Variants in ENOX1 observed in about 807,000 individuals in gnomAD.
ENOX1 encodes the protein candidate growth-related and time keeping constitutive hydroquinone (NADH) oxidase.
ENOX1 carries 42 observed loss-of-function variants against 82.5 expected under a neutral mutation model. That is an observed-to-expected ratio of 0.51 (90% CI 0.40 to 0.66). ENOX1 has a LOEUF of 0.66. Among genes scored for constraint, ENOX1 ranks in the 30% least tolerant of loss-of-function variants. The pLI is 0.00. For missense variants in ENOX1, 608 were observed against 811.6 expected, an observed-to-expected ratio of 0.75 and a Z score of 3.05; for synonymous variants, 271 against 282.2, an observed-to-expected ratio of 0.96 and a Z score of 0.40.
At chr13:43,296,193 A>G (rs1359995608) in intron 12 of ENOX1, among the ~76,000 whole-genome samples, 3 of 152,220 alleles carry the variant, frequency 2.0e-5, no homozygotes, top group Non-Finnish European at 2.9e-5. Flanking sequence ...CCTAGCCCCT[A>G]CTACCACAGA....
chr13:43,458,285 T>C (rs1255813480), intron 3 of ENOX1, among the ~76,000 whole-genome samples: 2 of 152,184 alleles, frequency 1.3e-5, no homozygotes, highest in Admixed American at 6.5e-5. Flanking sequence ...ATTCTCTATT[T>C]TGCAGGATTT....
chr13:43,771,357 C>T (rs1166615015), intron 1 of ENOX1, among the ~76,000 whole-genome samples: 1 of 152,030 alleles, frequency 6.6e-6, no homozygotes, highest in African/African-American at 2.4e-5. Flanking sequence ...GGATAAACCC[C>T]CGAGGACCTA....
chr13:43,254,549 T>C (rs924279015), intron 14 of ENOX1, among the ~76,000 whole-genome samples: 4 of 152,212 alleles, frequency 2.6e-5, no homozygotes. Context: ...TAAATTGCTT[T>C]AAATGATAGC....
Position 43,290,238 on chromosome 13 carries a change from G to A in ENOX1, c.1446+8108C>T, listed in dbSNP as rs751006185. ...GCCATTACTGCGTGTATACGTAAAG[G>A]CAAAGAAATCATTCTACCAAAAAGA... On this transcript the variant is annotated intron_variant, in intron 12 of 16. Transcript: ENST00000690772. Among the ~76,000 whole-genome samples, 69 of 152,238 alleles carry A rather than the reference G, an allele frequency of 4.5e-4. 1 individual carries two copies. Among genetic ancestry groups the A allele is most frequent in the Non-Finnish European group, 1.8e-4 (12 of 68,008 alleles).
chr13:43,608,189 G>T (rs2082051873), intron 2 of ENOX1, among the ~76,000 whole-genome samples: 3 of 152,102 alleles, frequency 2.0e-5, no homozygotes, highest in Admixed American at 2.0e-4. Context: ...TCTAAGAATG[G>T]GTACGAGCAT....
chr13:43,471,199 T>C (rs2058050922), intron 3 of ENOX1, among the ~76,000 whole-genome samples: 1 of 152,016 alleles, frequency 6.6e-6, no homozygotes, highest in African/African-American at 2.4e-5. Context: ...TTATGCTATA[T>C]GAAAGGAGCC....
intron 2 of ENOX1, among the ~76,000 whole-genome samples, chr13:43,534,196 G>A (rs2078352619): frequency 6.6e-6 from 1 of 152,084 alleles, no homozygotes. Flanking sequence ...AAAACATAGT[G>A]GAGTAAGTAG....
intron 1 of ENOX1, among the ~76,000 whole-genome samples, chr13:43,772,603 G>C (rs914088864): frequency 9.2e-5 from 14 of 152,078 alleles, no homozygotes; most frequent in Non-Finnish European, 1.9e-4. Flanking sequence ...CAAAGAATTA[G>C]CTTGGCGTGG....
At chr13:43,221,824 C>T (rs946962566) in intron 16 of ENOX1, among the ~76,000 whole-genome samples, 2 of 152,138 alleles carry the variant, frequency 1.3e-5, no homozygotes, top group African/African-American at 4.8e-5. Context: ...AGTGACATTA[C>T]AGGACTGGGT....
intron 2 of ENOX1, among the ~76,000 whole-genome samples, chr13:43,560,867 T>C (rs141433211): frequency 4.5e-4 from 69 of 152,296 alleles, no homozygotes; most frequent in Middle Eastern, 3.4e-3. Context: ...TTTCAGATCA[T>C]CTCAGTGGCC....
chr13:43,681,760 C>T (rs2085799182), intron 1 of ENOX1, among the ~76,000 whole-genome samples: 1 of 151,696 alleles, frequency 6.6e-6, no homozygotes, highest in East Asian at 1.9e-4. Context: ...AGTTTCAGCA[C>T]ATTCTCGTTG....
intron 1 of ENOX1, among the ~76,000 whole-genome samples, chr13:43,678,286 T>TA (rs1284966972): frequency 1.4e-4 from 22 of 152,166 alleles, no homozygotes; most frequent in African/African-American, 5.1e-4. Flanking sequence ...TCCTCAAATA[T>TA]AAAAAATATG....
At chr13:43,255,644 G>C (rs780958423) in intron 14 of ENOX1, among the ~76,000 whole-genome samples, 16 of 151,902 alleles carry the variant, frequency 1.1e-4, no homozygotes, top group Non-Finnish European at 2.4e-4. Flanking sequence ...CAAACAATCT[G>C]AAAAAGAAAT....
chr13:43,230,883 A>T (rs1372986676), intron 15 of ENOX1, among the ~76,000 whole-genome samples: 1 of 152,204 alleles, frequency 6.6e-6, no homozygotes, highest in Non-Finnish European at 1.5e-5. Flanking sequence ...TGGTCAGCAC[A>T]TTATTCTCTT....
intron 2 of ENOX1, among the ~76,000 whole-genome samples, chr13:43,501,452 A>G (rs1295094126): frequency 1.3e-5 from 2 of 151,776 alleles, no homozygotes; most frequent in Non-Finnish European, 3.0e-5. Flanking sequence ...GCAGCAGTAG[A>G]GCAAACATTG....
intron 1 of ENOX1, among the ~76,000 whole-genome samples, chr13:43,768,204 A>AT (rs1951395401): frequency 6.6e-6 from 1 of 152,128 alleles, no homozygotes; most frequent in South Asian, 2.1e-4. Flanking sequence ...TAATTGTTCT[A>AT]TATCCTTCTA....
At chr13:43,538,164 C>G (rs1322756336) in intron 2 of ENOX1, among the ~76,000 whole-genome samples, 1 of 152,234 alleles carries the variant, frequency 6.6e-6, no homozygotes, top group East Asian at 1.9e-4. Context: ...TATAGCCACT[C>G]TCTCAGGTAA....
At chr13:43,477,538 T>C (rs1459252621) in intron 3 of ENOX1, among the ~76,000 whole-genome samples, 1 of 152,104 alleles carries the variant, frequency 6.6e-6, no homozygotes, top group African/African-American at 2.4e-5. Context: ...AGAGAAACAA[T>C]GGAGACTTAC....
At chr13:43,278,363 A>G (rs2045182587) in intron 12 of ENOX1, among the ~76,000 whole-genome samples, 1 of 152,176 alleles carries the variant, frequency 6.6e-6, no homozygotes, top group Non-Finnish European at 1.5e-5. Flanking sequence ...AGCCTCCTGT[A>G]GCACTACATA....
Sources: allele counts gnomAD v4.1 joint callset (sites outside exome capture counted in the v4.1 genomes callset), GRCh38; gene constraint gnomAD v4.1.1; transcripts MANE v1.5; gene names NCBI Gene and HGNC (gene_info 2026-07-23, HGNC 2026-07-21).